The following CNTN1 variants were observed in gnomAD, a reference collection of about 807,000 sequenced individuals.
CNTN1 encodes contactin 1.
Under a neutral mutation model 126.4 loss-of-function variants are expected in CNTN1, and 38 were observed. That is an observed-to-expected ratio of 0.30 (90% CI 0.23 to 0.39). CNTN1 has a LOEUF of 0.39. CNTN1 is among the 10% of genes least tolerant of loss of function. The pLI, the probability that CNTN1 is intolerant of heterozygous loss-of-function variation, is 1.00. For missense variants in CNTN1, 1,009 were observed against 1,248.4 expected, an observed-to-expected ratio of 0.81 and a Z score of 2.89; for synonymous variants, 413 against 422.6, an observed-to-expected ratio of 0.98 and a Z score of 0.28.
At chr12:40,710,512 G>A (rs1344718192) in intron 1 of CNTN1, among the ~76,000 whole-genome samples, 2 of 152,070 alleles carry the variant, frequency 1.3e-5, no homozygotes, top group East Asian at 3.8e-4. Context: ...GAAAAATGAT[G>A]CCAGTAGACT....
At chr12:40,697,255 C>G (rs2121090614) in intron 1 of CNTN1, among the ~76,000 whole-genome samples, 1 of 152,326 alleles carries the variant, frequency 6.6e-6, no homozygotes, top group South Asian at 2.1e-4. Flanking sequence ...TTTGGCCATA[C>G]TCTCATTAAC....
intron 1 of CNTN1, among the ~76,000 whole-genome samples, chr12:40,893,421 C>G (rs1944307392): frequency 6.6e-6 from 1 of 152,074 alleles, no homozygotes; most frequent in Non-Finnish European, 1.5e-5. Flanking sequence ...CTCCAAATTT[C>G]TAATATCTTT....
intron 3 of CNTN1, among the ~76,000 whole-genome samples, chr12:40,918,129 A>G (rs1265216679): frequency 6.6e-6 from 1 of 152,144 alleles, no homozygotes; most frequent in Non-Finnish European, 1.5e-5. Context: ...AGCATTTGCA[A>G]TCTAGCAGAA....
intron 23 of CNTN1, among the ~76,000 whole-genome samples, chr12:41,044,193 A>T (rs1949490736): frequency 6.6e-6 from 1 of 151,962 alleles, no homozygotes; most frequent in Admixed American, 6.6e-5. Context: ...ATTCAGAGAA[A>T]GAGTAATGGA....
intron 15 of CNTN1, among the ~76,000 whole-genome samples, chr12:40,973,694 T>G (rs1947588319): frequency 6.6e-6 from 1 of 152,140 alleles, no homozygotes; most frequent in African/African-American, 2.4e-5. Flanking sequence ...GCTATATGAA[T>G]TCCCCAAAGG....
intron 1 of CNTN1, among the ~76,000 whole-genome samples, chr12:40,857,042 T>C (rs1942937787): frequency 6.6e-6 from 1 of 152,128 alleles, no homozygotes; most frequent in African/African-American, 2.4e-5. Flanking sequence ...AATAAGAGTT[T>C]AGATGTCAAC....
At chr12:41,049,601 A>T (rs1160792703) in intron 23 of CNTN1, among the ~76,000 whole-genome samples, 1 of 152,222 alleles carries the variant, frequency 6.6e-6, no homozygotes, top group Non-Finnish European at 1.5e-5. Context: ...TAACCATCTA[A>T]TTGTGCTCTT....
At position 41,070,278 on chromosome 12, in the gene CNTN1, A is replaced by T; in HGVS notation, c.*243A>T. 1.9e-6 allele frequency: 1 copy of T among 537,176 alleles called. No individual in the cohort carries two copies. Among genetic ancestry groups the T allele is most frequent in the Non-Finnish European group, 3.4e-6 (1 of 297,982 alleles). The allele number at this position is 537,176 out of a possible 1,614,324, so 33.3% of individuals were successfully genotyped here. ...TAACTCGTTCCAATATGCCTTATAA[A>T]CCACTTAACCTGATTCTGTGACAGT... On this transcript the variant is annotated 3_prime_UTR_variant, in exon 24 of 24. Transcript: ENST00000551295.
chr12:40,710,843 G>A (rs1941894780), intron 1 of CNTN1, among the ~76,000 whole-genome samples: 1 of 152,136 alleles, frequency 6.6e-6, no homozygotes, highest in African/African-American at 2.4e-5. Flanking sequence ...TATACAGGTA[G>A]AGACAATCTT....
chr12:40,880,746 T>C (rs1324192073), intron 1 of CNTN1, among the ~76,000 whole-genome samples: 1 of 152,010 alleles, frequency 6.6e-6, no homozygotes, highest in Non-Finnish European at 1.5e-5. Flanking sequence ...GCTGTACGAA[T>C]ACTCTGGAAC....
intron 1 of CNTN1, among the ~76,000 whole-genome samples, chr12:40,775,099 C>G (rs1205525284): frequency 6.6e-6 from 1 of 151,338 alleles, no homozygotes; most frequent in East Asian, 1.9e-4. Flanking sequence ...CTTATTCCTT[C>G]TATCTTACTA....
chr12:40,809,131 CT>C (rs1454291716), intron 1 of CNTN1, among the ~76,000 whole-genome samples: 1 of 152,082 alleles, frequency 6.6e-6, no homozygotes, highest in East Asian at 1.9e-4. Context: ...TAAAGTAACA[CT>C]TTGTTCAGAA....
At chr12:40,867,880 T>TTTATTATTATTATTATTATTA (rs138493484) in intron 1 of CNTN1, among the ~76,000 whole-genome samples, 83 of 148,232 alleles carry the variant, frequency 5.6e-4, no homozygotes, top group African/African-American at 2.0e-3. Flanking sequence ...GCTTTCTGAG[T>TTTATTATTATTATTATTATTA]TTATTATTAT....
chr12:40,823,954 A>T (rs1728150848), intron 1 of CNTN1, among the ~76,000 whole-genome samples: 1 of 152,072 alleles, frequency 6.6e-6, no homozygotes, highest in Non-Finnish European at 1.5e-5. Context: ...CCATATCCTT[A>T]CATTTGCCTT....
At chr12:40,795,266 T>C (rs1334883437) in intron 1 of CNTN1, among the ~76,000 whole-genome samples, 2 of 144,172 alleles carry the variant, frequency 1.4e-5, no homozygotes, top group Non-Finnish European at 3.0e-5. Context: ...TAAACATGTC[T>C]ACATGTATAC....
intron 23 of CNTN1, among the ~76,000 whole-genome samples, chr12:41,057,093 AATATTTAG>A (rs1427620386): frequency 1.6e-5 from 2 of 123,782 alleles, no homozygotes; most frequent in Non-Finnish European, 1.7e-5. Flanking sequence ...AAATATTATA[AATATTTAG>A]ATATTTATAA....
At chr12:40,922,470 G>A in intron 5 of CNTN1, 42 bp downstream of exon 5, 4 of 1,573,074 alleles carry the variant, frequency 2.5e-6, no homozygotes, top group Non-Finnish European at 3.5e-6. Flanking sequence ...AGCGTGTTTA[G>A]GTGAGTTCAG....
intron 15 of CNTN1, among the ~76,000 whole-genome samples, chr12:40,964,640 T>C (rs745637416): frequency 2.6e-5 from 4 of 151,910 alleles, no homozygotes; most frequent in Admixed American, 1.3e-4. Context: ...GTCATCTTTA[T>C]TGATATACCC....
At chr12:40,764,936 T>C (rs1021996006) in intron 1 of CNTN1, among the ~76,000 whole-genome samples, 4 of 152,168 alleles carry the variant, frequency 2.6e-5, no homozygotes, top group South Asian at 2.1e-4. Flanking sequence ...TAAATTTCCA[T>C]TGAGATTAGA....
Sources: gnomAD v4.1 joint callset for allele counts (sites outside exome capture counted in the v4.1 genomes callset) on GRCh38, gnomAD v4.1.1 for gene constraint, MANE v1.5 for transcripts, NCBI Gene and HGNC (gene_info 2026-07-23, HGNC 2026-07-21) for gene names.